The following DIP2B variants were observed in gnomAD, a reference collection of about 807,000 sequenced individuals.
DIP2B encodes DIP2 acetate--CoA ligase B (putative).
DIP2B carries 76 observed loss-of-function variants against 198.0 expected under a neutral mutation model. The observed-to-expected ratio is 0.38, with a 90% CI of 0.32 to 0.46. The LOEUF (loss-of-function observed/expected upper bound fraction) is 0.46. Ranked by LOEUF, DIP2B falls within the 20% of genes least tolerant of loss-of-function variation. The pLI is 0.99. For synonymous variants in DIP2B, 701 were observed against 739.1 expected, an observed-to-expected ratio of 0.95 and a Z score of 0.84; for missense variants, 1,559 against 1,978.4, an observed-to-expected ratio of 0.79 and a Z score of 4.02.
At chr12:50,618,420 G>A (rs1937742869) in intron 1 of DIP2B, among the ~76,000 whole-genome samples, 2 of 152,210 alleles carry the variant, frequency 1.3e-5, no homozygotes, top group South Asian at 4.1e-4. Context: ...GTTGTTCCAA[G>A]CATGCCACTC....
Position 50,744,899 on chromosome 12 carries a change from G to C in DIP2B, c.*60G>C. ...AGAATCACAAAGACAGAAGACCTCTGGCTAAGAGCAGGCTTCAAACGATGT... is the reference window on the plus strand; with the variant it reads ...AGAATCACAAAGACAGAAGACCTCTCGCTAAGAGCAGGCTTCAAACGATGT... On this transcript the variant is annotated 3_prime_UTR_variant, in exon 38 of 38. Transcript: ENST00000301180. 6.3e-7 allele frequency: 1 copy of C among 1,585,618 alleles called. No homozygotes were observed.
At chr12:50,513,223 A>G (rs1433233364) in intron 1 of DIP2B, among the ~76,000 whole-genome samples, 1 of 152,204 alleles carries the variant, frequency 6.6e-6, no homozygotes, top group African/African-American at 2.4e-5. Context: ...GATGAATGGA[A>G]TCAATTTGTG....
At chr12:50,605,905 T>G (rs1398164521) in intron 1 of DIP2B, among the ~76,000 whole-genome samples, 1 of 152,198 alleles carries the variant, frequency 6.6e-6, no homozygotes, top group Non-Finnish European at 1.5e-5. Context: ...CACTGCAACC[T>G]TCGCCCCCCA....
At chr12:50,513,014 A>G (rs891393466) in intron 1 of DIP2B, among the ~76,000 whole-genome samples, 1 of 152,146 alleles carries the variant, frequency 6.6e-6, no homozygotes, top group African/African-American at 2.4e-5. Flanking sequence ...CTCAACAACA[A>G]CAACAAAAAG....
intron 3 of DIP2B, among the ~76,000 whole-genome samples, chr12:50,649,505 A>T (rs1938416137): frequency 6.6e-6 from 1 of 152,200 alleles, no homozygotes; most frequent in Non-Finnish European, 1.5e-5. Context: ...ACTTTAAATG[A>T]CACTAGGACA....
chr12:50,688,423 A>T (rs1439779830), intron 12 of DIP2B, among the ~76,000 whole-genome samples: 1 of 152,092 alleles, frequency 6.6e-6, no homozygotes, highest in Non-Finnish European at 1.5e-5. Flanking sequence ...AGGCTGAGGG[A>T]GCTGGATTGC....
chr12:50,521,094 G>GTTTTTTTT (rs386376482), intron 1 of DIP2B, among the ~76,000 whole-genome samples: 13 of 94,332 alleles, frequency 1.4e-4, no homozygotes, highest in East Asian at 2.9e-4. Flanking sequence ...TTCAGCAACA[G>GTTTTTTTT]TTTTTTTTTT....
At chr12:50,622,023 TA>T (rs1937824738) in intron 1 of DIP2B, among the ~76,000 whole-genome samples, 1 of 152,214 alleles carries the variant, frequency 6.6e-6, no homozygotes, top group South Asian at 2.1e-4. Context: ...GACTGAGACT[TA>T]AGCACTGAAG....
At chr12:50,573,964 A>G (rs1958636568) in intron 1 of DIP2B, among the ~76,000 whole-genome samples, 1 of 152,192 alleles carries the variant, frequency 6.6e-6, no homozygotes, top group African/African-American at 2.4e-5. Context: ...ATGTTTGATG[A>G]TATTAAGGGT....
At chr12:50,741,350 G>T in intron 36 of DIP2B, 66 bp from the exon 37 acceptor site, 1 of 1,564,436 alleles carries the variant, frequency 6.4e-7, no homozygotes, top group South Asian at 1.2e-5. Flanking sequence ...CTGTGCTGTG[G>T]ACTCCAGTGT....
chr12:50,589,234 CTTTG>C (rs1403493396), intron 1 of DIP2B, among the ~76,000 whole-genome samples: 27 of 145,228 alleles, frequency 1.9e-4, no homozygotes, highest in Non-Finnish European at 2.8e-4. Flanking sequence ...ATTTGTTTGT[CTTTG>C]TTTTTTTTTT....
chr12:50,704,451 C>T (rs372580220), intron 20 of DIP2B, among the ~76,000 whole-genome samples: 2 of 152,102 alleles, frequency 1.3e-5, no homozygotes, highest in Admixed American at 6.5e-5. Context: ...TTTTTTTCCC[C>T]GCTGAGATCA....
At chr12:50,549,820 T>C (rs538748270) in intron 1 of DIP2B, among the ~76,000 whole-genome samples, 2 of 152,160 alleles carry the variant, frequency 1.3e-5, no homozygotes, top group Admixed American at 6.5e-5. Context: ...ATAGATAGCT[T>C]AAGTCTGTGT....
chr12:50,710,074 C>A (rs927734296), intron 22 of DIP2B, among the ~76,000 whole-genome samples: 3 of 152,184 alleles, frequency 2.0e-5, no homozygotes, highest in Non-Finnish European at 2.9e-5. Context: ...CTTCATTCTT[C>A]TTTATTTTTC....
chr12:50,576,841 C>G (rs1958666476), intron 1 of DIP2B, among the ~76,000 whole-genome samples: 1 of 151,682 alleles, frequency 6.6e-6, no homozygotes, highest in Non-Finnish European at 1.5e-5. Context: ...CCTATTAATT[C>G]TCTCCCTGCA....
intron 1 of DIP2B, among the ~76,000 whole-genome samples, chr12:50,540,326 A>T (rs1958311747): frequency 6.6e-6 from 1 of 151,056 alleles, no homozygotes; most frequent in Non-Finnish European, 1.5e-5. Flanking sequence ...GGCCAGGCTG[A>T]TCTTGAACTC....
chr12:50,629,477 C>G (rs1938000639), intron 2 of DIP2B, among the ~76,000 whole-genome samples: 1 of 152,090 alleles, frequency 6.6e-6, no homozygotes, highest in South Asian at 2.1e-4. Context: ...GCTTGGTGGT[C>G]CAGGGACCAC....
chr12:50,711,858 C>G (rs1370339988), intron 22 of DIP2B, among the ~76,000 whole-genome samples: 2 of 152,222 alleles, frequency 1.3e-5, no homozygotes, highest in Non-Finnish European at 2.9e-5. Flanking sequence ...CTGCACCTGG[C>G]TCCTTAAATT....
chr12:50,601,286 A>G (rs1361115617), intron 1 of DIP2B, among the ~76,000 whole-genome samples: 1 of 151,982 alleles, frequency 6.6e-6, no homozygotes, highest in Non-Finnish European at 1.5e-5. Context: ...CATGATGACC[A>G]GGGAAAGTCT....
Sources: gnomAD v4.1 joint callset for allele counts (sites outside exome capture counted in the v4.1 genomes callset) on GRCh38, gnomAD v4.1.1 for gene constraint, MANE v1.5 for transcripts, NCBI Gene and HGNC (gene_info 2026-07-23, HGNC 2026-07-21) for gene names.